RNF130: variants seen among roughly 807,000 people sequenced by gnomAD.
RNF130 encodes the protein ring finger protein 130.
RNF130 carries 21 observed loss-of-function variants against 44.6 expected under a neutral mutation model. The ratio of observed to expected loss-of-function variants is 0.47; its 90% CI spans 0.33 to 0.68. RNF130 has a LOEUF of 0.68. Among genes scored for constraint, RNF130 ranks in the 30% least tolerant of loss-of-function variants. The pLI, the probability that RNF130 is intolerant of heterozygous loss-of-function variation, is 0.02. For synonymous variants in RNF130, 214 were observed against 210.4 expected, an observed-to-expected ratio of 1.02 and a Z score of -0.15; for missense variants, 479 against 560.6, an observed-to-expected ratio of 0.85 and a Z score of 1.47.
intron 1 of RNF130, among the ~76,000 whole-genome samples, chr5:180,056,612 C>T (rs189643470): frequency 3.9e-4 from 59 of 152,280 alleles, no homozygotes; most frequent in Middle Eastern, 3.4e-3. Flanking sequence ...ATGTTGGACA[C>T]GTTGGGCTTG....
chr5:179,935,577 A>G (rs900348409), intron 7 of RNF130, among the ~76,000 whole-genome samples: 1 of 151,728 alleles, frequency 6.6e-6, no homozygotes, highest in Non-Finnish European at 1.5e-5. Context: ...ATCCATTTCT[A>G]TTCATTACTA....
chr5:180,052,918 A>G (rs1315119373), intron 1 of RNF130, among the ~76,000 whole-genome samples: 1 of 152,242 alleles, frequency 6.6e-6, no homozygotes, highest in East Asian at 1.9e-4. Context: ...TTAAATATAG[A>G]AAATAATCAG....
At chr5:180,041,893 A>G (rs983412860) in intron 1 of RNF130, among the ~76,000 whole-genome samples, 9 of 152,160 alleles carry the variant, frequency 5.9e-5, no homozygotes, top group African/African-American at 1.9e-4. Context: ...CCTGGGCGAC[A>G]AAGTGAAACA....
Position 179,970,485 on chromosome 5 carries a change from G to A in RNF130, c.870C>T (p.Cys290=), listed in dbSNP as rs764796576. 1.9e-5 allele frequency: 31 copies of A among 1,613,094 alleles called. No individual in the cohort carries two copies. Among genetic ancestry groups the A allele is most frequent in the Admixed American group, 3.3e-5 (2 of 59,956 alleles). ...LPCKHVFHKS[C]VDPWLSEHCT... ...AATGTTCACTAAGCCAGGGATCCAC[G>A]CAGGATTTGTGGAAAACATGCCTAT... The change falls in exon 6 of 9, where the codon TGC becomes TGT. Residue 290 remains cysteine (C), a synonymous_variant. Transcript: ENST00000521389.
At chr5:180,011,541 G>A (rs1185851806) in intron 3 of RNF130, among the ~76,000 whole-genome samples, 3 of 152,146 alleles carry the variant, frequency 2.0e-5, no homozygotes, top group East Asian at 1.9e-4. Flanking sequence ...CAAGGTGGGC[G>A]GATCCTTTGA....
Position 180,008,573 on chromosome 5 carries a change from T to C in RNF130, c.693+4488A>G, listed in dbSNP as rs564252999. On this transcript the variant is annotated intron_variant, in intron 3 of 8. Transcript: ENST00000521389. Reference sequence around the variant, plus strand: ...GAGCATAATGGAATCAAACCAGAAATCAGTAACACTAAGATAATAGTAAAA... The same window carrying C: ...GAGCATAATGGAATCAAACCAGAAACCAGTAACACTAAGATAATAGTAAAA... Among the ~76,000 whole-genome samples, 27 of 152,184 alleles carry C rather than the reference T, an allele frequency of 1.8e-4. 1 individual carries two copies. Among genetic ancestry groups the C allele is most frequent in the African/African-American group, 6.5e-4 (27 of 41,532 alleles).
chr5:180,041,833 T>G (rs537466124), intron 1 of RNF130, among the ~76,000 whole-genome samples: 1 of 152,236 alleles, frequency 6.6e-6, no homozygotes, highest in Admixed American at 6.5e-5. Flanking sequence ...TCCCAGCACT[T>G]TGGGAAGCCG....
intron 3 of RNF130, among the ~76,000 whole-genome samples, chr5:180,003,654 T>C (rs920789140): frequency 1.3e-5 from 2 of 152,176 alleles, no homozygotes; most frequent in Non-Finnish European, 2.9e-5. Flanking sequence ...TGTGTACAAT[T>C]TGATCTCTTC....
intron 1 of RNF130, among the ~76,000 whole-genome samples, chr5:180,045,186 G>A (rs1427675946): frequency 6.6e-6 from 1 of 152,176 alleles, no homozygotes; most frequent in Non-Finnish European, 1.5e-5. Flanking sequence ...ATGAGAGAAG[G>A]AGAAGAATAT....
intron 1 of RNF130, among the ~76,000 whole-genome samples, chr5:180,048,001 C>CTTTTTTTTT (rs67545539): frequency 6.8e-6 from 1 of 146,932 alleles, no homozygotes; most frequent in Non-Finnish European, 1.5e-5. Context: ...CAACAGCACA[C>CTTTTTTTTT]TTTTTTTTTT....
chr5:180,029,613 A>G (rs1764076843), intron 2 of RNF130, among the ~76,000 whole-genome samples: 1 of 152,266 alleles, frequency 6.6e-6, no homozygotes, highest in Non-Finnish European at 1.5e-5. Context: ...ATTTTTTTAA[A>G]CAAATGGGTT....
intron 4 of RNF130, among the ~76,000 whole-genome samples, chr5:179,979,421 A>T (rs2113717394): frequency 6.6e-6 from 1 of 151,884 alleles, no homozygotes; most frequent in South Asian, 2.1e-4. Flanking sequence ...ATCATATGAA[A>T]TTATCCTTCC....
intron 2 of RNF130, among the ~76,000 whole-genome samples, chr5:180,037,574 A>C (rs1764278321): frequency 6.6e-6 from 1 of 152,226 alleles, no homozygotes; most frequent in Non-Finnish European, 1.5e-5. Flanking sequence ...CAGCAACATC[A>C]GTGTCACCTA....
intron 3 of RNF130, among the ~76,000 whole-genome samples, chr5:180,008,459 A>G (rs895119211): frequency 6.6e-6 from 1 of 152,198 alleles, no homozygotes; most frequent in South Asian, 2.1e-4. Context: ...CTAAGCACCA[A>G]TGAAACACTG....
At chr5:179,931,850 G>A (rs957842658) in intron 7 of RNF130, among the ~76,000 whole-genome samples, 1 of 152,094 alleles carries the variant, frequency 6.6e-6, no homozygotes, top group African/African-American at 2.4e-5. Context: ...CCCCGTGACT[G>A]TAGAGTACCT....
rs1389273465 is a variant in RNF130 at position 179,998,886 on chromosome 5, T to TA, written c.693+14174_693+14175insT. ...ATATATATATATATATATATATATGTTTTATATATCTGAGTGCTCCAGTGT... is the reference window on the plus strand; with the variant it reads ...ATATATATATATATATATATATATGTATTTATATATCTGAGTGCTCCAGTGT... On this transcript the variant is annotated intron_variant, in intron 3 of 8. Transcript: ENST00000521389. Among the ~76,000 whole-genome samples the TA allele has an allele frequency of 1.3e-3, 132 of 105,380 alleles. 3 individuals are homozygous for TA. The highest frequency in any genetic ancestry group is 5.4e-3 in the Middle Eastern group (1 of 186). 69.1% of individuals were successfully genotyped at this position (105,380 alleles called of 152,430 possible). A position where few individuals can be genotyped will look rare whatever the true frequency, so the allele number is the denominator to read the frequency against.
chr5:180,000,218 A>G (rs1763301473), intron 3 of RNF130, among the ~76,000 whole-genome samples: 1 of 152,174 alleles, frequency 6.6e-6, no homozygotes, highest in Non-Finnish European at 1.5e-5. Flanking sequence ...TAAGCACTTT[A>G]ATTCTATCAT....
rs1244384979 is a variant in RNF130, at chr5:180,055,264, AAAAAAAAAAAAAAAAAC to A, written c.248-14634_248-14618del. 1.3e-3 allele frequency among the ~76,000 whole-genome samples: 35 copies of A among 27,744 alleles called. 2 individuals carry two copies. The highest frequency in any genetic ancestry group is 2.8e-3 in the South Asian group (1 of 362). 18.2% of individuals were successfully genotyped at this position (27,744 alleles called of 152,430 possible). On this transcript the variant is annotated intron_variant, in intron 1 of 8. Coordinates refer to ENST00000521389, the MANE Select transcript of RNF130 (RefSeq NM_018434.6). ...GTTCTGTCTCAAAAAAAAAAAAAAAAAAAAAAAAAAAAAAAACAAAAAAAAACAGCAAACAAACAAAA... is the reference window on the plus strand; with the variant it reads ...GTTCTGTCTCAAAAAAAAAAAAAAAAAAAAAAAAACAGCAAACAAACAAAA...
chr5:180,011,137 C>T (rs559425039), intron 3 of RNF130, among the ~76,000 whole-genome samples: 1 of 152,278 alleles, frequency 6.6e-6, no homozygotes, highest in African/African-American at 2.4e-5. Flanking sequence ...CACAACACGT[C>T]GGATAAACTC....
Sources: gnomAD v4.1 joint callset for allele counts (sites outside exome capture counted in the v4.1 genomes callset) on GRCh38, gnomAD v4.1.1 for gene constraint, MANE v1.5 for transcripts, NCBI Gene and HGNC (gene_info 2026-07-23, HGNC 2026-07-21) for gene names.